The following SPIB variants were observed in gnomAD, a reference collection of about 807,000 sequenced individuals.
The protein encoded by SPIB is Spi-B transcription factor, also known as transcription factor Spi-B.
Under a neutral mutation model 31.9 loss-of-function variants are expected in SPIB, and 7 were observed. The ratio of observed to expected loss-of-function variants is 0.22; its 90% confidence interval spans 0.12 to 0.41. The LOEUF (loss-of-function observed/expected upper bound fraction) is 0.41. Ranked by LOEUF, SPIB falls within the 10% of genes least tolerant of loss-of-function variation. The pLI is 1.00. For synonymous variants in SPIB, 176 were observed against 158.9 expected, an observed-to-expected ratio of 1.11 and a Z score of -0.81; for missense variants, 327 against 360.2, an observed-to-expected ratio of 0.91 and a Z score of 0.75.
Position 50,428,045 on chromosome 19 carries a change from C to T in SPIB, c.498C>T (p.Arg166=). 5 of 1,526,104 alleles carry T rather than the reference C, an allele frequency of 3.3e-6. No individual in the cohort carries two copies. Among genetic ancestry groups the T allele is most frequent in the Non-Finnish European group, 4.4e-6 (5 of 1,130,484 alleles). 94.5% of individuals were successfully genotyped at this position (1,526,104 alleles called of 1,614,324 possible). A position where few individuals can be genotyped will look rare whatever the true frequency, so the allele number is the denominator to read the frequency against. ...CCCCCGACCCCACCGCAGGGACTCG[C>T]AAGAAGCTGCGCCTGTACCAGTTCC... The part of the protein sequence containing the change: ...PEGKGSEAGT[R]KKLRLYQFLL... The change falls in exon 6 of 6, where the codon CGC becomes CGT. Residue 166 remains arginine, a synonymous_variant. Transcript: ENST00000595883. This position sits in a 1 kb window ranked among gnomAD's most constrained non-coding sequence, Gnocchi z 6.5.
At position 50,428,019 on chromosome 19, in the gene SPIB, GC is replaced by G. The variant is rs748732446; in HGVS notation, c.491-14del. 13 of 1,483,856 alleles carry G rather than the reference GC, an allele frequency of 8.8e-6. No homozygotes were observed. Among genetic ancestry groups the G allele is most frequent in the Middle Eastern group, 2.0e-4 (1 of 5,084 alleles). The allele number at this position is 1,483,856 out of a possible 1,614,324, so 91.9% of individuals were successfully genotyped here. A position where few individuals can be genotyped will look rare whatever the true frequency, so the allele number is the denominator to read the frequency against. On this transcript the variant is annotated intron_variant, in intron 5 of 5. Coordinates refer to ENST00000595883, the MANE Select transcript of SPIB (RefSeq NM_003121.5). The surrounding 1 kb of genome is among the most constrained non-coding windows in gnomAD (Gnocchi z 6.5). ...CTTAGGGACCCCTCACCTAACGCGT[GC>G]CCCCGACCCCACCGCAGGGACTCGC...
chr19:50,422,102 C>T (rs1481450149), intron 2 of SPIB, among the ~76,000 whole-genome samples: 1 of 152,214 alleles, frequency 6.6e-6, no homozygotes, highest in Non-Finnish European at 1.5e-5. Context: ...TGAAACACTT[C>T]CATTTCCCCT....
Position 50,423,696 on chromosome 19 carries a change from C to T in SPIB, c.431C>T (p.Ser144Leu). The change falls in exon 5 of 6, where the codon TCG (serine) becomes TTG (leucine). Residue 144 changes from serine (S) to leucine (L), a missense_variant. Coordinates refer to ENST00000595883, the MANE Select transcript of SPIB (RefSeq NM_003121.5). ...LPLDSPALEV[S>L]DSESDEALVA... ...TTGGACAGCCCTGCCCTGGAGGTCT[C>T]GGACAGCGAGTCGGATGAGGCCCTC... 1.2e-6 allele frequency: 2 copies of T among 1,613,642 alleles called. No individual in the cohort carries two copies. The highest frequency in any genetic ancestry group is 1.7e-6 in the Non-Finnish European group (2 of 1,179,856).
At chr19:50,426,082 G>A (rs934680570) in intron 5 of SPIB, among the ~76,000 whole-genome samples, 4 of 152,128 alleles carry the variant, frequency 2.6e-5, no homozygotes, top group Non-Finnish European at 5.9e-5. Flanking sequence ...GGTGGTGCAC[G>A]CCTGTAATCC....
At chr19:50,421,441 G>A (rs1030134712) in intron 2 of SPIB, among the ~76,000 whole-genome samples, 1 of 152,014 alleles carries the variant, frequency 6.6e-6, no homozygotes, top group Non-Finnish European at 1.5e-5. Flanking sequence ...TCCTGCCTCA[G>A]CCTCCCAAGT....
intron 2 of SPIB, among the ~76,000 whole-genome samples, chr19:50,420,463 G>T (rs1034952580): frequency 2.0e-5 from 3 of 152,156 alleles, no homozygotes; most frequent in African/African-American, 7.2e-5. Context: ...AGTCAGTAAA[G>T]TGACAAATCT....
At chr19:50,426,991 A>G (rs1163678402) in intron 5 of SPIB, among the ~76,000 whole-genome samples, 4 of 151,590 alleles carry the variant, frequency 2.6e-5, no homozygotes, top group Non-Finnish European at 5.9e-5. Context: ...TTAGCTAGGC[A>G]TGATGGTGCA....
At chr19:50,423,206 A>C in intron 4 of SPIB, 169 bp downstream of exon 4, 1 of 233,434 alleles carries the variant, frequency 4.3e-6, no homozygotes, top group Non-Finnish European at 8.0e-6. Context: ...CCCTGTCTCA[A>C]AAAAAAAAAA....
Position 50,423,009 on chromosome 19 carries a change from C to T in SPIB, c.311C>T (p.Ala104Val), listed in dbSNP as rs527707643. 16 of 1,515,524 alleles carry T rather than the reference C, an allele frequency of 1.1e-5. No individual in the cohort carries two copies. The East Asian group carries it at 3.4e-4, about 33-fold the overall frequency. 93.9% of individuals were successfully genotyped at this position (1,515,524 alleles called of 1,614,324 possible). A position where few individuals can be genotyped will look rare whatever the true frequency, so the allele number is the denominator to read the frequency against. The change falls in exon 4 of 6, where the codon GCA becomes GTA. Residue 104 changes from alanine (A) to valine (V), a missense_variant. By Grantham distance (64) the Ala-to-Val change is moderately conservative (BLOSUM62 0). Around this residue, in one of 4 missense-constraint regions of SPIB, gnomAD observed 238 missense variants for 228.8 expected, o/e 1.04. Coordinates refer to ENST00000595883, the MANE Select transcript of SPIB (RefSeq NM_003121.5). ...GAGGCCCCGGGGCCTGGCCTCCCTG[C>T]ATACCCCACGGAGAACTTCGCTAGC... is the stretch of plus-strand genomic sequence containing the variant. ...SLEAPGPGLP[A>V]YPTENFASQT...
At chr19:50,421,159 A>G (rs1444407379) in intron 2 of SPIB, among the ~76,000 whole-genome samples, 2 of 152,174 alleles carry the variant, frequency 1.3e-5, no homozygotes, top group East Asian at 3.9e-4. Flanking sequence ...ATTCTGGAAC[A>G]AGGCTATTTT....
Position 50,422,953 on chromosome 19 carries a change from T to G in SPIB, c.255T>G (p.Pro85=), listed in dbSNP as rs748341138. 1.3e-6 allele frequency: 2 copies of G among 1,589,562 alleles called. No individual in the cohort carries two copies. Among genetic ancestry groups the G allele is most frequent in the Middle Eastern group, 1.7e-4 (1 of 5,910 alleles). The part of the protein sequence containing the change: ...QLCYEPPTYS[P]AGNLELAPSL... The stretch of plus-strand genomic sequence containing the variant: ...GCTACGAACCCCCCACCTACAGCCC[T>G]GCAGGGAACCTCGAACTGGCCCCCA... The change falls in exon 4 of 6, where the codon CCT becomes CCG. Residue 85 remains proline, a synonymous_variant. Transcript: ENST00000595883.
intron 5 of SPIB, among the ~76,000 whole-genome samples, chr19:50,425,662 C>T (rs918948514): frequency 6.6e-6 from 1 of 152,078 alleles, no homozygotes; most frequent in African/African-American, 2.4e-5. Context: ...GCTGAACTCC[C>T]AACTCCTGAG....
chr19:50,422,755 TG>T (rs1440593239), intron 3 of SPIB, 67 bp from the exon 4 acceptor site: 11 of 1,175,892 alleles, frequency 9.4e-6, no homozygotes, highest in African/African-American at 3.1e-5. Context: ...CTCTCTGTGC[TG>T]GGGGCTTCGA....
Position 50,423,680 on chromosome 19 carries a change from C to G in SPIB, c.415C>G (p.Pro139Ala). Reference sequence around the variant, plus strand: ...GGAGGAAGACTTACCGTTGGACAGCCCTGCCCTGGAGGTCTCGGACAGCGA... The same window carrying G: ...GGAGGAAGACTTACCGTTGGACAGCGCTGCCCTGGAGGTCTCGGACAGCGA... ...SEEEDLPLDS[P>A]ALEVSDSESD... The change falls in exon 5 of 6, where the codon CCT becomes GCT. Residue 139 changes from proline (P) to alanine (A), a missense_variant. Transcript: ENST00000595883. 1 of 1,613,952 alleles carries G rather than the reference C, an allele frequency of 6.2e-7. No individual in the cohort carries two copies. Among genetic ancestry groups the G allele is most frequent in the South Asian group, 1.1e-5 (1 of 91,036 alleles).
intron 4 of SPIB, 55 bp downstream of exon 4, chr19:50,423,092 G>T: frequency 1.1e-6 from 1 of 871,580 alleles, no homozygotes; most frequent in Non-Finnish European, 1.8e-6. Flanking sequence ...GGTGGTGCAC[G>T]CCTGTAATCC....
At chr19:50,425,429 T>G (rs2039552909) in intron 5 of SPIB, among the ~76,000 whole-genome samples, 2 of 152,012 alleles carry the variant, frequency 1.3e-5, no homozygotes, top group Admixed American at 1.3e-4. Context: ...AAGATGGAAA[T>G]AAAGATTTTA....
Position 50,428,091 on chromosome 19 carries a change from G to C in SPIB, c.544G>C (p.Gly182Arg). Reference sequence around the variant, plus strand: ...GTTCCTGCTGGGGCTACTGACGCGCGGGGACATGCGTGAGTGCGTGTGGTG... The same window carrying C: ...GTTCCTGCTGGGGCTACTGACGCGCCGGGACATGCGTGAGTGCGTGTGGTG... ...YQFLLGLLTR[G>R]DMRECVWWVE... is the part of the protein sequence containing the mutation. Residue 182 changes from glycine (G) to arginine (R), a missense_variant, in exon 6 of 6, where the codon GGG (glycine) becomes CGG (arginine). Gly to Arg is a moderately radical substitution (Grantham distance 125). This residue lies in a region of SPIB where 54 missense variants were observed against 69.5 expected (regional missense o/e 0.78). Transcript: ENST00000595883. This position sits in a 1 kb window ranked among gnomAD's most constrained non-coding sequence, Gnocchi z 6.5. 1 of 1,579,564 alleles carries C rather than the reference G, an allele frequency of 6.3e-7. No homozygotes were observed. Among genetic ancestry groups the C allele is most frequent in the Non-Finnish European group, 8.6e-7 (1 of 1,161,532 alleles).
chr19:50,423,221 AAG>A, intron 4 of SPIB, 184 bp downstream of exon 4: 1 of 457,086 alleles, frequency 2.2e-6, no homozygotes, highest in African/African-American at 2.0e-5. Flanking sequence ...AAAAAAAAAA[AAG>A]AAAAAGAAAA....
Position 50,418,945 on chromosome 19 carries a change from A to G in SPIB, c.-18A>G, listed in dbSNP as rs747738249. The G allele has an allele frequency of 6.4e-7, 1 of 1,553,038 alleles. No homozygotes were observed. The highest frequency in any genetic ancestry group is 1.2e-5 in the South Asian group (1 of 84,292). On this transcript the variant is annotated 5_prime_UTR_variant, in exon 1 of 6. Transcript: ENST00000595883. The surrounding 1 kb of genome is among the most constrained non-coding windows in gnomAD (Gnocchi z 6.0). ...TTGGCGGCTGCAGCGGGCGGCAAAC[A>G]GCCCGCCCGGCACCACCATGCTCGC...
Sources: gnomAD v4.1 joint callset for allele counts (sites outside exome capture counted in the v4.1 genomes callset) on GRCh38, gnomAD v4.1.1 for gene constraint, gnomAD v4.1.1 regional missense constraint, Gnocchi (gnomAD v3.1) non-coding constraint, MANE v1.5 for transcripts, NCBI Gene and HGNC (gene_info 2026-07-23, HGNC 2026-07-21) for gene names.